The following LRRC4C variants were observed in gnomAD, a reference collection of about 807,000 sequenced individuals.
LRRC4C encodes the protein leucine-rich repeat-containing protein 4C.
Under a neutral mutation model 33.6 loss-of-function variants are expected in LRRC4C, and 5 were observed. The observed-to-expected ratio is 0.15, with a 90% CI of 0.08 to 0.31. The LOEUF (loss-of-function observed/expected upper bound fraction) is 0.31. Ranked by LOEUF, LRRC4C falls within the 10% of genes least tolerant of loss-of-function variation. The pLI is 1.00. For synonymous variants in LRRC4C, 329 were observed against 302.0 expected, an observed-to-expected ratio of 1.09 and a Z score of -0.93; for missense variants, 560 against 796.7, an observed-to-expected ratio of 0.70 and a Z score of 3.58.
chr11:40,236,905 A>G (rs1865603326), intron 5 of LRRC4C, among the ~76,000 whole-genome samples: 1 of 152,208 alleles, frequency 6.6e-6, no homozygotes, highest in Non-Finnish European at 1.5e-5. Flanking sequence ...AGATTCTAGT[A>G]TGAAGTAAGT....
intron 1 of LRRC4C, among the ~76,000 whole-genome samples, chr11:41,315,514 C>T (rs1329189404): frequency 1.3e-5 from 2 of 152,138 alleles, no homozygotes; most frequent in African/African-American, 4.8e-5. Flanking sequence ...TCTTGCCAAC[C>T]ATCAACACCA....
intron 2 of LRRC4C, among the ~76,000 whole-genome samples, chr11:40,782,912 A>G (rs957096923): frequency 6.6e-6 from 1 of 152,082 alleles, no homozygotes; most frequent in Non-Finnish European, 1.5e-5. Context: ...ATGTGTATGT[A>G]TGTATGTGTG....
chr11:41,004,663 T>A (rs1854610601), intron 1 of LRRC4C, among the ~76,000 whole-genome samples: 1 of 152,152 alleles, frequency 6.6e-6, no homozygotes, highest in Admixed American at 6.5e-5. Context: ...TTATTGTAGG[T>A]AAACAATGAG....
At chr11:40,695,707 T>A (rs535674494) in intron 2 of LRRC4C, among the ~76,000 whole-genome samples, 3 of 152,116 alleles carry the variant, frequency 2.0e-5, no homozygotes, top group Non-Finnish European at 4.4e-5. Flanking sequence ...CCTTCCCACA[T>A]AGCTCCCTTC....
intron 1 of LRRC4C, among the ~76,000 whole-genome samples, chr11:41,023,527 A>G (rs1049424486): frequency 6.6e-6 from 1 of 151,808 alleles, no homozygotes; most frequent in African/African-American, 2.4e-5. Flanking sequence ...CCTGTAGTAT[A>G]TTTTCCCATG....
intron 1 of LRRC4C, among the ~76,000 whole-genome samples, chr11:41,435,274 A>C (rs1019795240): frequency 6.6e-6 from 1 of 152,226 alleles, no homozygotes; most frequent in Non-Finnish European, 1.5e-5. Flanking sequence ...CAATATTAGA[A>C]TGTGATTCCA....
intron 1 of LRRC4C, among the ~76,000 whole-genome samples, chr11:40,953,856 T>A (rs2199451): frequency 4.0e-5 from 6 of 151,664 alleles, no homozygotes; most frequent in Non-Finnish European, 7.4e-5. Flanking sequence ...AAAAACACTT[T>A]CTTATATTTT....
intron 1 of LRRC4C, among the ~76,000 whole-genome samples, chr11:41,443,419 G>T (rs1955717400): frequency 6.6e-6 from 1 of 152,040 alleles, no homozygotes; most frequent in Admixed American, 6.6e-5. Flanking sequence ...TGAGGCAGGA[G>T]GATCCCTTGA....
chr11:41,123,114 T>C (rs374272939), intron 1 of LRRC4C: 2 of 152,152 alleles, frequency 1.3e-5, no homozygotes, highest in East Asian at 3.9e-4. Flanking sequence ...GAAATTCCCA[T>C]CCTATGCAAG....
chr11:40,732,877 T>C (rs1323821438), intron 2 of LRRC4C, among the ~76,000 whole-genome samples: 1 of 152,002 alleles, frequency 6.6e-6, no homozygotes. Flanking sequence ...CATTTGTGGA[T>C]CATTTATTAG....
intron 3 of LRRC4C, among the ~76,000 whole-genome samples, chr11:40,508,307 G>A (rs911393226): frequency 6.6e-5 from 10 of 152,008 alleles, no homozygotes; most frequent in African/African-American, 2.4e-4. Flanking sequence ...GTTACTTTTT[G>A]CAATGAGAAT....
chr11:41,403,367 C>A (rs1954097211), intron 1 of LRRC4C, among the ~76,000 whole-genome samples: 1 of 152,048 alleles, frequency 6.6e-6, no homozygotes, highest in African/African-American at 2.4e-5. Flanking sequence ...GAAAAACCAG[C>A]TGTGAAATTC....
intron 4 of LRRC4C, among the ~76,000 whole-genome samples, chr11:40,305,209 T>A (rs1202855777): frequency 1.3e-5 from 2 of 152,190 alleles, no homozygotes; most frequent in African/African-American, 2.4e-5. Context: ...AGAGAGGTCA[T>A]CCCTCTCAAG....
At chr11:40,127,951 C>T (rs1317126346) in intron 6 of LRRC4C, among the ~76,000 whole-genome samples, 1 of 152,156 alleles carries the variant, frequency 6.6e-6, no homozygotes, top group Non-Finnish European at 1.5e-5. Flanking sequence ...CAAAGGACTA[C>T]TAAACACACA....
intron 1 of LRRC4C, among the ~76,000 whole-genome samples, chr11:41,319,844 C>A (rs1015417786): frequency 1.3e-5 from 2 of 152,044 alleles, no homozygotes; most frequent in Non-Finnish European, 2.9e-5. Flanking sequence ...AGACACCATA[C>A]CCAACTGTTG....
intron 3 of LRRC4C, among the ~76,000 whole-genome samples, chr11:40,371,506 G>A (rs1345493694): frequency 6.6e-6 from 1 of 152,194 alleles, no homozygotes; most frequent in Non-Finnish European, 1.5e-5. Flanking sequence ...TAATCAGAGT[G>A]TAAATGGTTA....
chr11:40,188,988 G>C (rs1861621998), intron 5 of LRRC4C, among the ~76,000 whole-genome samples: 1 of 152,160 alleles, frequency 6.6e-6, no homozygotes, highest in Non-Finnish European at 1.5e-5. Context: ...TAGCATTAGG[G>C]AAAATTTATT....
intron 3 of LRRC4C, among the ~76,000 whole-genome samples, chr11:40,586,130 C>T (rs1346118505): frequency 4.0e-5 from 6 of 150,568 alleles, no homozygotes; most frequent in Non-Finnish European, 8.9e-5. Context: ...TCCTCTCCAG[C>T]ACCTGTTGTT....
At chr11:40,623,342 A>G (rs1223007445) in intron 3 of LRRC4C, among the ~76,000 whole-genome samples, 2 of 152,094 alleles carry the variant, frequency 1.3e-5, no homozygotes, top group Admixed American at 1.3e-4. Flanking sequence ...ATTGAGGTAT[A>G]TAATTATCTC....
Sources: allele counts gnomAD v4.1 joint callset (sites outside exome capture counted in the v4.1 genomes callset), GRCh38; gene constraint gnomAD v4.1.1; transcripts MANE v1.5; gene names NCBI Gene and HGNC (gene_info 2026-07-23, HGNC 2026-07-21).